The following NDUFA10 variants were observed in gnomAD, a reference collection of about 807,000 sequenced individuals.
NDUFA10 encodes NADH dehydrogenase [ubiquinone] 1 alpha subcomplex subunit 10, mitochondrial.
In NDUFA10, 40 loss-of-function variants were observed where a neutral mutation model predicts 47.8. That is an observed-to-expected ratio of 0.84 (90% CI 0.65 to 1.09). The LOEUF (loss-of-function observed/expected upper bound fraction) is 1.09. Ranked by LOEUF, NDUFA10 falls within the 50% of genes least tolerant of loss-of-function variation. NDUFA10 has a pLI of 0.00. For missense variants in NDUFA10, 413 were observed against 451.1 expected (o/e 0.92, Z 0.76); for synonymous variants, 183 against 172.2 (o/e 1.06, Z -0.49).
intron 4 of NDUFA10, among the ~76,000 whole-genome samples, chr2:239,915,421 G>GACAC (rs143219949): frequency 0.78 from 108,291 of 138,694 alleles, 42,355 homozygotes; most frequent in African/African-American, 0.91. Context: ...CACATACACA[G>GACAC]ACACAAATAT....
In NDUFA10 at chr2:240,018,584, C is replaced by A; in HGVS notation, c.516G>T (p.Ala172=). The change falls in exon 4 of 10, where the codon GCG becomes GCT. Residue 172 remains alanine (A), a synonymous_variant. Coordinates refer to ENST00000252711, the MANE Select transcript of NDUFA10 (RefSeq NM_004544.4). ...SIFSDFVFLE[A]MYNQGFIRKQ... ...TTCGGATGAATCCCTGGTTGTACAT[C>A]GCCTCCAGGAACACAAAGTCACTGA... The A allele has an allele frequency of 6.2e-7, 1 of 1,614,214 alleles. No individual in the cohort carries two copies. The highest frequency in any genetic ancestry group is 8.5e-7 in the Non-Finnish European group (1 of 1,180,048).
Position 240,007,296 on chromosome 2 carries a change from C to T in NDUFA10, c.804+20G>A. 6.4e-7 allele frequency: 1 copy of T among 1,560,294 alleles called. No homozygotes were observed. Among genetic ancestry groups the T allele is most frequent in the Non-Finnish European group, 8.8e-7 (1 of 1,132,116 alleles). On this transcript the variant is annotated intron_variant, in intron 7 of 9. Coordinates refer to ENST00000252711, the MANE Select transcript of NDUFA10 (RefSeq NM_004544.4). ...AATCAAATGTAGGAATAACTTTCAA[C>T]TTTTCAACCATTTTCTTACCTTTTT...
intron 4 of NDUFA10, among the ~76,000 whole-genome samples, chr2:239,916,061 CAT>C (rs1693868807): frequency 6.7e-6 from 1 of 149,982 alleles, no homozygotes; most frequent in Non-Finnish European, 1.5e-5. Flanking sequence ...TACACACACA[CAT>C]ACATACTCAG....
At chr2:239,897,104 T>A (rs949112340) in intron 4 of NDUFA10, among the ~76,000 whole-genome samples, 3 of 152,196 alleles carry the variant, frequency 2.0e-5, no homozygotes, top group Non-Finnish European at 2.9e-5. Context: ...AAGACTGAAC[T>A]ATGATCCACA....
At chr2:239,963,698 C>A (rs901884729) in intron 9 of NDUFA10, among the ~76,000 whole-genome samples, 1 of 152,206 alleles carries the variant, frequency 6.6e-6, no homozygotes, top group Admixed American at 6.5e-5. Flanking sequence ...TGGAAACCTG[C>A]GTCTGTGGCT....
intron 4 of NDUFA10, among the ~76,000 whole-genome samples, chr2:239,905,583 G>A (rs1324124576): frequency 6.6e-6 from 1 of 152,158 alleles, no homozygotes; most frequent in Non-Finnish European, 1.5e-5. Context: ...TGCCGCGTCG[G>A]GGGGTTTACG....
At chr2:239,983,279 G>A (rs1434647880) in intron 9 of NDUFA10, among the ~76,000 whole-genome samples, 1 of 152,146 alleles carries the variant, frequency 6.6e-6, no homozygotes, top group African/African-American at 2.4e-5. Context: ...TGAAACAGCT[G>A]CACATGAAAC....
chr2:239,920,836 G>T (rs989049791), intron 4 of NDUFA10, among the ~76,000 whole-genome samples: 4 of 152,184 alleles, frequency 2.6e-5, no homozygotes, highest in Non-Finnish European at 5.9e-5. Flanking sequence ...ACAGTTCCTA[G>T]AAGGCGGAGG....
At position 239,959,989 on chromosome 2, in the gene NDUFA10, C is replaced by G. The variant is rs886055822; in HGVS notation, c.*1129G>C. 1.0e-6 allele frequency: 1 copy of G among 985,322 alleles called. No individual in the cohort carries two copies. Among genetic ancestry groups the G allele is most frequent in the Admixed American group, 6.1e-5 (1 of 16,278 alleles). 61.0% of individuals were successfully genotyped at this position (985,322 alleles called of 1,614,324 possible). A position where few individuals can be genotyped will look rare whatever the true frequency, so the allele number is the denominator to read the frequency against. On this transcript the variant is annotated 3_prime_UTR_variant, in exon 10 of 10. Coordinates refer to ENST00000252711, the MANE Select transcript of NDUFA10 (RefSeq NM_004544.4). ...GCACCAGCACTGGAACTACTGCCCA[C>G]AGGCGGCTGTGGAGTGCCTGAACTA... is the stretch of plus-strand genomic sequence containing the variant.
intron 8 of NDUFA10, among the ~76,000 whole-genome samples, chr2:239,991,797 G>A (rs1696259613): frequency 6.6e-6 from 1 of 152,174 alleles, no homozygotes; most frequent in South Asian, 2.1e-4. Context: ...ATGTAGGGAG[G>A]TGACATGGTT....
intron 4 of NDUFA10, among the ~76,000 whole-genome samples, chr2:239,923,397 T>TA (rs113271048): frequency 7.2e-5 from 11 of 151,940 alleles, no homozygotes; most frequent in East Asian, 3.9e-4. Flanking sequence ...TCCTGGTTCA[T>TA]AAAAAAAACT....
intron 4 of NDUFA10, among the ~76,000 whole-genome samples, chr2:239,936,779 CCT>C (rs1197628114): frequency 1.3e-5 from 2 of 152,122 alleles, no homozygotes; most frequent in African/African-American, 2.4e-5. Context: ...ATGGCGAAAC[CCT>C]GTCTCTACTA....
intron 9 of NDUFA10, among the ~76,000 whole-genome samples, chr2:239,965,989 A>T (rs535665013): frequency 6.6e-6 from 1 of 152,262 alleles, no homozygotes. Context: ...ATTTTCCATT[A>T]GAAATCAAAA....
chr2:239,910,874 G>A (rs1269881952), intron 4 of NDUFA10, among the ~76,000 whole-genome samples: 3 of 152,168 alleles, frequency 2.0e-5, no homozygotes, highest in Non-Finnish European at 2.9e-5. Flanking sequence ...TGGAGGCCCC[G>A]GCTCCTCCTC....
At position 239,991,206 on chromosome 2, in the gene NDUFA10, G is replaced by A. The variant is rs550283976; in HGVS notation, c.891-1024C>T. On this transcript the variant is annotated intron_variant, in intron 8 of 9. Coordinates refer to ENST00000252711, the MANE Select transcript of NDUFA10 (RefSeq NM_004544.4). ...GGGATCCATGAATCATGCTTCCACA[G>A]ACAGCCACAGAGCTGCGAACCTGCG... 5.6e-3 allele frequency among the ~76,000 whole-genome samples: 851 copies of A among 152,278 alleles called. 4 individuals are homozygous for A. Among genetic ancestry groups the A allele is most frequent in the Non-Finnish European group, 0.01 (687 of 68,042 alleles).
intron 6 of NDUFA10, among the ~76,000 whole-genome samples, chr2:240,010,756 T>C (rs1204487620): frequency 3.3e-5 from 5 of 152,200 alleles, no homozygotes; most frequent in African/African-American, 4.8e-5. Context: ...TTACCTATGG[T>C]CTAACAATAT....
intron 9 of NDUFA10, among the ~76,000 whole-genome samples, chr2:239,974,063 A>G (rs1695410626): frequency 6.6e-6 from 1 of 152,140 alleles, no homozygotes; most frequent in African/African-American, 2.4e-5. Context: ...AGTAGGTGGG[A>G]TTACAGGTGC....
intron 9 of NDUFA10, among the ~76,000 whole-genome samples, chr2:239,981,883 AAC>A (rs1266668348): frequency 6.6e-6 from 1 of 152,128 alleles, no homozygotes; most frequent in Admixed American, 6.5e-5. Flanking sequence ...ATTTGGCTAA[AAC>A]ACATATTTTC....
intron 9 of NDUFA10, among the ~76,000 whole-genome samples, chr2:239,977,151 A>G (rs1695559362): frequency 6.6e-6 from 1 of 152,130 alleles, no homozygotes; most frequent in Admixed American, 6.5e-5. Context: ...GACAAGAGAG[A>G]CAGCAAGTCT....
Sources: allele counts gnomAD v4.1 joint callset (sites outside exome capture counted in the v4.1 genomes callset), GRCh38; gene constraint gnomAD v4.1.1; transcripts MANE v1.5; gene names NCBI Gene and HGNC (gene_info 2026-07-23, HGNC 2026-07-21).